Variants in EBF1 observed in about 807,000 individuals in gnomAD.
EBF1 encodes EBF transcription factor 1.
EBF1 carries 10 observed loss-of-function variants against 68.4 expected under a neutral mutation model. The observed-to-expected ratio is 0.15, with a 90% CI of 0.09 to 0.25. EBF1 has a LOEUF of 0.25. Ranked by LOEUF, EBF1 falls within the 10% of genes least tolerant of loss-of-function variation. The pLI is 1.00. For synonymous variants in EBF1, 298 were observed against 299.8 expected (o/e 0.99, Z 0.06); for missense variants, 509 against 794.4 (o/e 0.64, Z 4.32).
intron 6 of EBF1, among the ~76,000 whole-genome samples, chr5:158,938,740 G>A (rs978961101): frequency 1.3e-5 from 2 of 152,054 alleles, no homozygotes; most frequent in African/African-American, 4.8e-5. Context: ...TGGCAGGGGA[G>A]GGCTATACCT....
chr5:158,863,642 A>G (rs947329277), intron 6 of EBF1, among the ~76,000 whole-genome samples: 3 of 151,334 alleles, frequency 2.0e-5, no homozygotes, highest in Admixed American at 6.6e-5. Flanking sequence ...GGCTTATTAT[A>G]AAAAAAAATA....
chr5:158,728,732 G>T (rs892438758), intron 11 of EBF1, among the ~76,000 whole-genome samples: 1 of 151,752 alleles, frequency 6.6e-6, no homozygotes, highest in Non-Finnish European at 1.5e-5. Context: ...CCTAGCTAAC[G>T]TTTTTTTTAG....
Position 158,698,628 on chromosome 5 carries a change from T to G in EBF1, c.*483A>C. 4.6e-6 allele frequency: 1 copy of G among 216,242 alleles called. No homozygotes were observed. The allele number at this position is 216,242 out of a possible 1,614,324, so 13.4% of individuals were successfully genotyped here. A position where few individuals can be genotyped will look rare whatever the true frequency, so the allele number is the denominator to read the frequency against. On this transcript the variant is annotated 3_prime_UTR_variant, in exon 16 of 16. Transcript: ENST00000313708. ...AAAAATCTAACTGGCATTCCTATTC[T>G]GTCCCATACAAGCTTTTTTTTTTTT...
At chr5:158,951,220 C>A (rs867932980) in intron 6 of EBF1, among the ~76,000 whole-genome samples, 1 of 152,184 alleles carries the variant, frequency 6.6e-6, no homozygotes, top group Non-Finnish European at 1.5e-5. Context: ...CCCTGACACA[C>A]TTTTGGCTGG....
At chr5:158,917,450 G>C (rs1024499894) in intron 6 of EBF1, among the ~76,000 whole-genome samples, 1 of 152,138 alleles carries the variant, frequency 6.6e-6, no homozygotes, top group African/African-American at 2.4e-5. Flanking sequence ...CTGGATACCA[G>C]CTCCACTGAA....
intron 9 of EBF1, among the ~76,000 whole-genome samples, chr5:158,785,601 C>T (rs1373346496): frequency 6.6e-6 from 1 of 152,170 alleles, no homozygotes; most frequent in Non-Finnish European, 1.5e-5. Flanking sequence ...GAGGCATTTA[C>T]TGTTTCACAA....
rs886905588 is a variant in EBF1 at position 158,696,906 on chromosome 5, T to G, written c.*2205A>C. 5.1e-6 allele frequency: 1 copy of G among 197,522 alleles called. No homozygotes were observed. Among genetic ancestry groups the G allele is most frequent in the African/African-American group, 2.3e-5 (1 of 43,282 alleles). The allele number at this position is 197,522 out of a possible 1,614,324, so 12.2% of individuals were successfully genotyped here. ...GCTTTTCGATTTCTTTGTTTTTTTT[T>G]TTTTCTTTTTTTCTTTTTCTTTTTT... On this transcript the variant is annotated 3_prime_UTR_variant, in exon 16 of 16. Coordinates refer to ENST00000313708, the MANE Select transcript of EBF1 (RefSeq NM_024007.5).
At chr5:158,998,366 C>T (rs985933231) in intron 6 of EBF1, among the ~76,000 whole-genome samples, 2 of 152,180 alleles carry the variant, frequency 1.3e-5, no homozygotes, top group African/African-American at 4.8e-5. Context: ...TAGCCCCTAA[C>T]CCTGCCTTAT....
At chr5:158,818,631 T>C (rs1025736847) in intron 8 of EBF1, among the ~76,000 whole-genome samples, 9 of 152,234 alleles carry the variant, frequency 5.9e-5, no homozygotes, top group African/African-American at 2.2e-4. Context: ...ACTCCACTAT[T>C]GTTTTTATTT....
chr5:159,054,993 T>G (rs1400213681), intron 6 of EBF1, among the ~76,000 whole-genome samples: 1 of 152,212 alleles, frequency 6.6e-6, no homozygotes, highest in Non-Finnish European at 1.5e-5. Context: ...CCTTGTAAGG[T>G]GCATCATCTA....
intron 11 of EBF1, among the ~76,000 whole-genome samples, chr5:158,726,108 G>A (rs527428677): frequency 6.6e-5 from 10 of 152,256 alleles, no homozygotes; most frequent in Non-Finnish European, 8.8e-5. Flanking sequence ...AATAATGCTC[G>A]AATGTATAAA....
At chr5:158,953,884 A>G (rs1248900967) in intron 6 of EBF1, among the ~76,000 whole-genome samples, 1 of 152,230 alleles carries the variant, frequency 6.6e-6, no homozygotes, top group Non-Finnish European at 1.5e-5. Context: ...GAATGAATTC[A>G]GAAGAAATAA....
At chr5:158,898,928 A>G (rs1802715280) in intron 6 of EBF1, among the ~76,000 whole-genome samples, 1 of 152,192 alleles carries the variant, frequency 6.6e-6, no homozygotes, top group Non-Finnish European at 1.5e-5. Flanking sequence ...TGACAACACA[A>G]CCTGCTTACA....
chr5:159,067,872 C>T (rs1049879307), intron 6 of EBF1, among the ~76,000 whole-genome samples: 1 of 152,116 alleles, frequency 6.6e-6, no homozygotes, highest in African/African-American at 2.4e-5. Context: ...ACCTCTCAAA[C>T]CAACCAAAAA....
Position 158,807,720 on chromosome 5 carries a change from G to A in EBF1, c.779-11245C>T, listed in dbSNP as rs935721145. ...GGCCAATTCTGCTCCTGATCTTTAC[G>A]TCTTCTCCCAAAACACACGGAAGTC... is the stretch of plus-strand genomic sequence containing the variant. On this transcript the variant is annotated intron_variant, in intron 8 of 15. Transcript: ENST00000313708. Among the ~76,000 whole-genome samples, 7 of 152,150 alleles carry A rather than the reference G, an allele frequency of 4.6e-5. No individual in the cohort carries two copies. The East Asian group carries it at 7.7e-4, about 17-fold the overall frequency.
intron 10 of EBF1, among the ~76,000 whole-genome samples, chr5:158,775,783 GACACACA>G (rs1361135595): frequency 3.9e-5 from 5 of 129,606 alleles, no homozygotes; most frequent in Admixed American, 3.1e-4. Context: ...CATGCACACA[GACACACA>G]CACACACACA....
At chr5:158,872,221 G>A (rs558107523) in intron 6 of EBF1, among the ~76,000 whole-genome samples, 1 of 150,390 alleles carries the variant, frequency 6.6e-6, no homozygotes, top group East Asian at 1.9e-4. Context: ...TTTTGAGATG[G>A]AGCCTCATTG....
chr5:159,044,889 A>G (rs1772021974), intron 6 of EBF1, among the ~76,000 whole-genome samples: 1 of 152,170 alleles, frequency 6.6e-6, no homozygotes, highest in African/African-American at 2.4e-5. Context: ...GAATTTGTTA[A>G]TTTCTATAAA....
In EBF1 at chr5:158,705,853, C is replaced by A. The variant is rs537377423; in HGVS notation, c.1744+2126G>T. Among the ~76,000 whole-genome samples the A allele has an allele frequency of 9.2e-5, 14 of 152,308 alleles. No individual in the cohort carries two copies. The East Asian group carries it at 1.4e-3, about 15-fold the overall frequency. On this transcript the variant is annotated intron_variant, in intron 15 of 15. Transcript: ENST00000313708. ...GCCACTGACCTTCCAATAGTGGGGG[C>A]CTTTTCTTCTCCAGTGCTTCCCGTC...
Sources: allele counts gnomAD v4.1 joint callset (sites outside exome capture counted in the v4.1 genomes callset), GRCh38; gene constraint gnomAD v4.1.1; transcripts MANE v1.5; gene names NCBI Gene and HGNC (gene_info 2026-07-23, HGNC 2026-07-21).